Variants in TMIGD2 observed in about 807,000 individuals in gnomAD.
TMIGD2 encodes transmembrane and immunoglobulin domain-containing protein 2.
A neutral mutation model predicts 22.6 loss-of-function variants in TMIGD2; 18 were observed. The ratio of observed to expected loss-of-function variants is 0.80; its 90% CI spans 0.55 to 1.18. TMIGD2 has a LOEUF of 1.18. Among genes scored for constraint, TMIGD2 ranks in the 50% most tolerant of loss-of-function variants. The pLI is 0.00. For missense variants in TMIGD2, 361 were observed against 378.2 expected, an observed-to-expected ratio of 0.95 and a Z score of 0.38; for synonymous variants, 184 against 154.1, an observed-to-expected ratio of 1.19 and a Z score of -1.44.
chr19:4,292,411 G>A (rs933476145), exon 5 of TMIGD2: 22 of 663,094 alleles, frequency 3.3e-5, no homozygotes, highest in East Asian at 8.3e-5. Context: ...GCGCAATCTC[G>A]GCTCACTGCA....
chr19:4,293,592 TTTTG>T lies in TMIGD2; in HGVS notation c.563-711_563-708del, dbSNP rs924008060. On this transcript the variant is annotated intron_variant, in intron 4 of 4. Coordinates refer to ENST00000301272, the Ensembl canonical transcript of TMIGD2. ...TTTTTTTTTTAATTTCAAACTGTCT[TTTTG>T]TTTGTTTGTTTGTTTTTTGAGACAG... 4.6e-5 allele frequency among the ~76,000 whole-genome samples: 7 copies of T among 150,962 alleles called. No homozygotes were observed. The East Asian group carries it at 5.9e-4, about 13-fold the overall frequency.
exon 2 of TMIGD2, chr19:4,298,232 G>A (rs562647140): frequency 6.8e-6 from 11 of 1,612,852 alleles, no homozygotes; most frequent in East Asian, 4.5e-5. Context: ...ACACGGAGCC[G>A]TTCCCAGGCT....
At chr19:4,299,394 G>C (rs7251667) in intron 1 of TMIGD2, among the ~76,000 whole-genome samples, 90,021 of 151,442 alleles carry the variant, frequency 0.59, 26,917 homozygotes, top group South Asian at 0.74. Context: ...GATCCTCCCC[G>C]CTAACGCCTC....
chr19:4,292,966 T>C (rs75773053), intron 4 of TMIGD2, 81 bp from the exon 5 acceptor site: 19 of 1,086,882 alleles, frequency 1.7e-5, no homozygotes, highest in Admixed American at 7.9e-5. Flanking sequence ...ATCTGTCTCT[T>C]TTTTTTTTTT....
intron 4 of TMIGD2, among the ~76,000 whole-genome samples, chr19:4,293,118 C>A (rs1248072632): frequency 6.6e-6 from 1 of 151,976 alleles, no homozygotes; most frequent in Non-Finnish European, 1.5e-5. Context: ...CTCCCGCCAC[C>A]ATGCCTGGCT....
chr19:4,298,308 C>A, exon 2 of TMIGD2: 1 of 1,600,052 alleles, frequency 6.2e-7, no homozygotes, highest in Non-Finnish European at 8.5e-7. Flanking sequence ...GCAAGTTGGG[C>A]CCCTGCTGCA....
chr19:4,292,753 CG>C lies in TMIGD2; in HGVS notation c.694del (p.Arg232AlafsTer64), dbSNP rs757219849. 4.4e-6 allele frequency: 7 copies of C among 1,608,700 alleles called. No individual in the cohort carries two copies. The highest frequency in any genetic ancestry group is 2.7e-5 in the African/African-American group (2 of 74,680). On this transcript the variant is annotated frameshift_variant, in exon 5 of 5. Coordinates refer to ENST00000301272, the Ensembl canonical transcript of TMIGD2. LOFTEE classifies it low-confidence loss of function (END_TRUNC). ...GGGTCTTGACGCCAGGTGCGGCTGG[CG>C]GGGGGCCGGTTGCGGGAAGGAGGTT... is the stretch of plus-strand genomic sequence containing the variant.
rs1177832160 is a variant in TMIGD2 at position 4,296,008 on chromosome 19, T to TCCTGGGCTCAAGTGATCCTCCCG, written c.407-1215_407-1193dup. ...ATCGTAGCTCACTGCAGTCTCCAAC[T>TCCTGGGCTCAAGTGATCCTCCCG]CCTGGGCTCAAGTGATCCTCCCGCC... On this transcript the variant is annotated intron_variant, in intron 2 of 4. Transcript: ENST00000301272. Among the ~76,000 whole-genome samples the TCCTGGGCTCAAGTGATCCTCCCG allele has an allele frequency of 3.3e-5, 5 of 151,944 alleles. No individual in the cohort carries two copies. The East Asian group carries it at 9.7e-4, about 30-fold the overall frequency.
chr19:4,295,761 C>T (rs888797409), intron 2 of TMIGD2, among the ~76,000 whole-genome samples: 1 of 152,100 alleles, frequency 6.6e-6, no homozygotes, highest in Non-Finnish European at 1.5e-5. Flanking sequence ...AACCGAGGCT[C>T]AGAGAGCCTA....
rs752970703 is a variant in TMIGD2 at position 4,292,803 on chromosome 19, G to C, written c.645C>G (p.Asp215Glu). 3.1e-6 allele frequency: 5 copies of C among 1,613,480 alleles called. No individual in the cohort carries two copies. In the South Asian group the frequency reaches 5.5e-5, roughly 18 times the overall value. Reference sequence around the variant, plus strand: ...TTGAATAAATGCTCTGGCCCCTCTGGTCCTTCCCCTCTCCAGAGCAGTCCT... The same window carrying C: ...TTGAATAAATGCTCTGGCCCCTCTGCTCCTTCCCCTCTCCAGAGCAGTCCT... Residue 215 changes from aspartate to glutamate, a missense_variant, in exon 5 of 5, where the codon GAC becomes GAG. By Grantham distance (45) the Asp-to-Glu change is conservative (BLOSUM62 2). Coordinates refer to ENST00000301272, the Ensembl canonical transcript of TMIGD2.
intron 1 of TMIGD2, among the ~76,000 whole-genome samples, chr19:4,301,836 G>A (rs560501551): frequency 4.6e-5 from 7 of 152,288 alleles, no homozygotes; most frequent in South Asian, 4.1e-4. Context: ...AGCTGCTGCC[G>A]GAGTAGAAAG....
rs190148050 is a variant in TMIGD2, at chr19:4,293,188, C to T, written c.563-303G>A. Among the ~76,000 whole-genome samples the T allele has an allele frequency of 4.7e-3, 711 of 151,502 alleles. 1 individual carries two copies. Among genetic ancestry groups the T allele is most frequent in the East Asian group, 0.025 (128 of 5,150 alleles). On this transcript the variant is annotated intron_variant, in intron 4 of 4. Transcript: ENST00000301272. ...CTGTTAGCCAGGATGGTCTTGATCT[C>T]CTGACCTCGTGATCCACCCGCCTCG...
chr19:4,294,396 A>G (rs1424536858), intron 4 of TMIGD2, among the ~76,000 whole-genome samples, 183 bp downstream of exon 4: 2 of 152,160 alleles, frequency 1.3e-5, no homozygotes, highest in African/African-American at 4.8e-5. Context: ...GCTAGGTTGC[A>G]CAGGCTAGGG....
At chr19:4,296,031 G>A (rs1971457733) in intron 2 of TMIGD2, among the ~76,000 whole-genome samples, 1 of 151,726 alleles carries the variant, frequency 6.6e-6, no homozygotes, top group Non-Finnish European at 1.5e-5. Context: ...TGATCCTCCC[G>A]CCTCAACCTC....
At chr19:4,301,732 G>A (rs543992594) in intron 1 of TMIGD2, among the ~76,000 whole-genome samples, 1 of 152,294 alleles carries the variant, frequency 6.6e-6, no homozygotes, top group African/African-American at 2.4e-5. Flanking sequence ...GCAAGCGGCT[G>A]GAATCAGAGG....
intron 1 of TMIGD2, among the ~76,000 whole-genome samples, chr19:4,302,060 G>C (rs1439022515): frequency 6.6e-6 from 1 of 152,166 alleles, no homozygotes; most frequent in Non-Finnish European, 1.5e-5. Context: ...AAGTCCCCAG[G>C]CTAGAGCAAG....
intron 4 of TMIGD2, 131 bp downstream of exon 4, chr19:4,294,448 G>A (rs1215410797): frequency 1.2e-6 from 1 of 834,140 alleles, no homozygotes. Flanking sequence ...TAGGATATAG[G>A]AGCCAGGCTT....
exon 5 of TMIGD2, chr19:4,292,796 C>G: frequency 6.2e-7 from 1 of 1,612,864 alleles, no homozygotes. Context: ...ATGCTCTGGC[C>G]CCTCTGGTCC....
At chr19:4,298,158 C>G in exon 2 of TMIGD2, 1 of 1,613,422 alleles carries the variant, frequency 6.2e-7, no homozygotes, top group South Asian at 1.1e-5. Flanking sequence ...CGCAGACCCC[C>G]AGGCTGAGGC....
Sources: allele counts gnomAD v4.1 joint callset (sites outside exome capture counted in the v4.1 genomes callset), GRCh38; gene constraint gnomAD v4.1.1; transcripts MANE v1.5; gene names NCBI Gene and HGNC (gene_info 2026-07-23, HGNC 2026-07-21).